The following CCDC149 variants were observed in gnomAD, a reference collection of about 807,000 sequenced individuals.
The protein encoded by CCDC149 is coiled-coil domain-containing protein 149.
Under a neutral mutation model 59.9 loss-of-function variants are expected in CCDC149, and 45 were observed. The ratio of observed to expected loss-of-function variants is 0.75; its 90% CI spans 0.59 to 0.96. CCDC149 has a LOEUF of 0.96. Ranked by LOEUF, CCDC149 falls within the 40% of genes least tolerant of loss-of-function variation. The pLI is 0.00. For missense variants in CCDC149, 584 were observed against 664.7 expected, an observed-to-expected ratio of 0.88 and a Z score of 1.33; for synonymous variants, 245 against 260.6, an observed-to-expected ratio of 0.94 and a Z score of 0.58.
At chr4:24,957,740 G>A (rs184708003) in intron 1 of CCDC149, among the ~76,000 whole-genome samples, 57 of 152,324 alleles carry the variant, frequency 3.7e-4, no homozygotes, top group Non-Finnish European at 6.9e-4. Flanking sequence ...TTGCAAGAAT[G>A]GCAGAGTTGC....
intron 1 of CCDC149, among the ~76,000 whole-genome samples, chr4:24,878,216 T>C (rs1161371180): frequency 8.0e-6 from 1 of 125,148 alleles, no homozygotes; most frequent in East Asian, 2.3e-4. Flanking sequence ...TTTTTTTTCC[T>C]AAAAAAAAAA....
chr4:24,811,519 G>A (rs1458984728), intron 12 of CCDC149, among the ~76,000 whole-genome samples: 2 of 152,086 alleles, frequency 1.3e-5, no homozygotes, highest in Admixed American at 6.5e-5. Context: ...AACCACAAAC[G>A]TAGTGGCTTA....
intron 1 of CCDC149, among the ~76,000 whole-genome samples, chr4:24,899,492 C>T (rs2602738): frequency 0.8 from 121,051 of 152,068 alleles, 48,724 homozygotes; most frequent in Non-Finnish European, 0.86. Flanking sequence ...CAGCCAGGAT[C>T]GAGTCCTAAA....
rs1171152475 is a variant in CCDC149 at position 24,889,837 on chromosome 4, T to TA, written c.64-13141dup. On this transcript the variant is annotated intron_variant, in intron 1 of 12. Coordinates refer to ENST00000635206, the MANE Select transcript of CCDC149 (RefSeq NM_001330643.2). ...ATTTTATCTGTCTCAGTAGAAATCC[T>TA]AAAAAATACCCTAACACCCCTATTA... 6.6e-5 allele frequency among the ~76,000 whole-genome samples: 10 copies of TA among 152,228 alleles called. No individual in the cohort carries two copies. The East Asian group carries it at 9.6e-4, about 15-fold the overall frequency.
In CCDC149 at chr4:24,821,880, T is replaced by A. The variant is rs1355315635; in HGVS notation, c.1042+617A>T. On this transcript the variant is annotated intron_variant, in intron 10 of 12. Coordinates refer to ENST00000635206, the MANE Select transcript of CCDC149 (RefSeq NM_001330643.2). ...AGAGCTTCCAAACACAGTGTACAAC[T>A]GGAAAAAAAATCACAGGAAATTCAG... Among the ~76,000 whole-genome samples, 5 of 152,000 alleles carry A rather than the reference T, an allele frequency of 3.3e-5. No individual in the cohort carries two copies. In the East Asian group the frequency reaches 9.7e-4, roughly 29 times the overall value.
chr4:24,906,495 G>A (rs1156834283), intron 1 of CCDC149, among the ~76,000 whole-genome samples: 5 of 151,694 alleles, frequency 3.3e-5, no homozygotes, highest in Non-Finnish European at 5.9e-5. Flanking sequence ...ACTGCTTCCT[G>A]GGTTCAAGCA....
At chr4:24,898,145 G>C (rs948999252) in intron 1 of CCDC149, among the ~76,000 whole-genome samples, 2 of 152,192 alleles carry the variant, frequency 1.3e-5, no homozygotes, top group Admixed American at 1.3e-4. Flanking sequence ...CCCTCTGCAG[G>C]AGCATCTCTG....
At chr4:24,869,105 T>C (rs1046603879) in intron 3 of CCDC149, among the ~76,000 whole-genome samples, 7 of 152,182 alleles carry the variant, frequency 4.6e-5, no homozygotes, top group African/African-American at 1.7e-4. Flanking sequence ...TAAGAAGGCA[T>C]GTAAGGCAGA....
At chr4:24,927,708 T>C (rs1722466447) in intron 1 of CCDC149, among the ~76,000 whole-genome samples, 1 of 152,126 alleles carries the variant, frequency 6.6e-6, no homozygotes, top group African/African-American at 2.4e-5. Context: ...TTATATTAAC[T>C]TGATCTACCA....
At chr4:24,860,125 C>A (rs1015137046) in intron 3 of CCDC149, among the ~76,000 whole-genome samples, 1 of 151,990 alleles carries the variant, frequency 6.6e-6, no homozygotes, top group African/African-American at 2.4e-5. Flanking sequence ...AAAAAGAGCC[C>A]GCATAGCCAA....
intron 9 of CCDC149, among the ~76,000 whole-genome samples, chr4:24,826,336 G>A (rs889745871): frequency 5.9e-5 from 9 of 152,194 alleles, no homozygotes; most frequent in Non-Finnish European, 1.2e-4. Flanking sequence ...TGAGAATGGA[G>A]TGGAAGGAGT....
chr4:24,875,066 T>C (rs1719324435), intron 2 of CCDC149, among the ~76,000 whole-genome samples: 1 of 152,138 alleles, frequency 6.6e-6, no homozygotes, highest in Admixed American at 6.5e-5. Flanking sequence ...CCCAGCACCT[T>C]GGGAGGGCGA....
chr4:24,834,755 T>C (rs1716383653), intron 8 of CCDC149, among the ~76,000 whole-genome samples, 193 bp downstream of exon 8: 1 of 152,226 alleles, frequency 6.6e-6, no homozygotes, highest in Admixed American at 6.5e-5. Context: ...TCAGAAACTC[T>C]GGAGTGGAAC....
chr4:24,942,705 G>A (rs568545815), intron 1 of CCDC149, among the ~76,000 whole-genome samples: 1 of 152,278 alleles, frequency 6.6e-6, no homozygotes, highest in South Asian at 2.1e-4. Context: ...AAAGGCTCAG[G>A]ATACAAAATC....
Position 24,882,133 on chromosome 4 carries a change from A to T in CCDC149, c.64-5436T>A, listed in dbSNP as rs374046708. ...ATAGTAATAAAGGTTTTATTGATTC[A>T]AACAACTTTTTCTAAAACTAGTGGG... On this transcript the variant is annotated intron_variant, in intron 1 of 12. Transcript: ENST00000635206. 2.0e-5 allele frequency among the ~76,000 whole-genome samples: 3 copies of T among 152,344 alleles called. No individual in the cohort carries two copies. In the East Asian group the frequency reaches 5.8e-4, roughly 29 times the overall value.
At chr4:24,974,840 A>G (rs906253699) in intron 1 of CCDC149, among the ~76,000 whole-genome samples, 2 of 152,082 alleles carry the variant, frequency 1.3e-5, no homozygotes, top group African/African-American at 4.8e-5. Flanking sequence ...AGGTGAGCAG[A>G]AGAGAATAGA....
At chr4:24,853,545 G>A (rs1442818165) in intron 3 of CCDC149, among the ~76,000 whole-genome samples, 1 of 144,752 alleles carries the variant, frequency 6.9e-6, no homozygotes, top group Non-Finnish European at 1.5e-5. Flanking sequence ...CTGAGATTGT[G>A]CCACTGCACT....
chr4:24,809,754 G>C (rs1016038097), intron 12 of CCDC149, among the ~76,000 whole-genome samples: 1 of 152,198 alleles, frequency 6.6e-6, no homozygotes, highest in Non-Finnish European at 1.5e-5. Flanking sequence ...GGAATGAGGG[G>C]CCCCCAGGAA....
intron 1 of CCDC149, among the ~76,000 whole-genome samples, chr4:24,902,079 T>C (rs192008156): frequency 4.9e-4 from 74 of 152,322 alleles, no homozygotes; most frequent in African/African-American, 1.7e-3. Context: ...TTGGGTCCAG[T>C]GGAGAGACAG....
Sources: gnomAD v4.1 joint callset for allele counts (sites outside exome capture counted in the v4.1 genomes callset) on GRCh38, gnomAD v4.1.1 for gene constraint, MANE v1.5 for transcripts, NCBI Gene and HGNC (gene_info 2026-07-23, HGNC 2026-07-21) for gene names.